Variants in ACTR3C observed in about 807,000 individuals in gnomAD.
ACTR3C encodes the protein actin related protein 3C, also known as actin-related protein 3C.
In ACTR3C, 18 loss-of-function variants were observed where a neutral mutation model predicts 26.3. The observed-to-expected ratio is 0.68, with a 90% confidence interval of 0.47 to 1.01. The LOEUF (loss-of-function observed/expected upper bound fraction) is 1.01, where lower values mean the gene tolerates loss of function less well. Among genes scored for constraint, ACTR3C ranks in the 50% least tolerant of loss-of-function variants. The pLI is 0.00. For synonymous variants in ACTR3C, 55 were observed against 94.5 expected, an observed-to-expected ratio of 0.58 and a Z score of 2.42; for missense variants, 184 against 250.7, an observed-to-expected ratio of 0.73 and a Z score of 1.80.
chr7:150,236,439 A>G, the ACTR3C span, among the ~76,000 whole-genome samples: 8,960 of 152,140 alleles, frequency 0.059, 487 homozygotes, highest in African/African-American at 0.14. Context: ...ACCCAATAAT[A>G]TCATGAACCA....
rs1563196699 is a variant in ACTR3C at position 150,299,489 on chromosome 7, A to ACAAC, written c.-51-4143_-51-4142insGTTG. On this transcript the variant is annotated intron_variant, in intron 1 of 7. Transcript: ENST00000683684. ...CAAAAAAAAAAAAAAAAAAAAAAAAAAAAAACAAAAAACAGGCTGGGTGGT... is the reference window on the plus strand; with the variant it reads ...CAAAAAAAAAAAAAAAAAAAAAAAAACAACAAAAACAAAAAACAGGCTGGGTGGT... Among the ~76,000 whole-genome samples, 4 of 144,426 alleles carry ACAAC rather than the reference A, an allele frequency of 2.8e-5. 1 individual carries two copies. Among genetic ancestry groups the ACAAC allele is most frequent in the African/African-American group, 1.1e-4 (4 of 36,488 alleles). 94.7% of individuals were successfully genotyped at this position (144,426 alleles called of 152,430 possible).
the ACTR3C span, among the ~76,000 whole-genome samples, chr7:150,223,211 T>C: frequency 6.6e-6 from 1 of 152,328 alleles, no homozygotes; most frequent in South Asian, 2.1e-4. Context: ...CTGAATGCAA[T>C]GTTTATGAGG....
At chr7:150,019,863 T>C in the ACTR3C span, among the ~76,000 whole-genome samples, 3 of 151,976 alleles carry the variant, frequency 2.0e-5, no homozygotes, top group Non-Finnish European at 4.4e-5. Context: ...TCCACAGAAC[T>C]ATAAATAAGG....
At chr7:150,131,081 G>A in the ACTR3C span, among the ~76,000 whole-genome samples, 1 of 152,154 alleles carries the variant, frequency 6.6e-6, no homozygotes, top group African/African-American at 2.4e-5. Context: ...TTTTTTCAAA[G>A]CTCACTAAAA....
the ACTR3C span, among the ~76,000 whole-genome samples, chr7:150,035,210 CCTCCCACCTCTGCCATGGGGGT>C: frequency 8.3e-6 from 1 of 120,354 alleles, no homozygotes; most frequent in African/African-American, 3.5e-5. Context: ...ACGGGGGGTG[CCTCCCACCTCTGCCATGGGGGT>C]CCTAAGAGCC....
At chr7:150,280,798 A>G (rs1835254867) in intron 6 of ACTR3C, among the ~76,000 whole-genome samples, 26 of 147,486 alleles carry the variant, frequency 1.8e-4, no homozygotes, top group African/African-American at 5.6e-4. Context: ...CCTGCTCTTG[A>G]TGTGTGTGTG....
chr7:150,252,148 A>G (rs957474774), intron 6 of ACTR3C, among the ~76,000 whole-genome samples: 6 of 147,182 alleles, frequency 4.1e-5, no homozygotes, highest in East Asian at 2.0e-4. Flanking sequence ...GTGTGTGTGC[A>G]TGTGTGTGTG....
the ACTR3C span, among the ~76,000 whole-genome samples, chr7:150,015,067 TG>T: frequency 1.3e-5 from 2 of 152,216 alleles, no homozygotes; most frequent in Non-Finnish European, 2.9e-5. Context: ...AAAGGACTTC[TG>T]CAGAGTTCTA....
chr7:150,319,795 TTC>T (rs1207510339), intron 1 of ACTR3C, among the ~76,000 whole-genome samples: 2 of 152,178 alleles, frequency 1.3e-5, no homozygotes, highest in African/African-American at 2.4e-5. Context: ...ACTTCCCACT[TTC>T]TGTCACCCCT....
the ACTR3C span, among the ~76,000 whole-genome samples, chr7:149,882,380 T>C: frequency 6.6e-6 from 1 of 152,060 alleles, no homozygotes; most frequent in Admixed American, 6.5e-5. Flanking sequence ...CTGGGTGGCA[T>C]CCTCTGGGCC....
chr7:150,258,577 C>T (rs1205353105), intron 6 of ACTR3C, among the ~76,000 whole-genome samples: 9 of 152,388 alleles, frequency 5.9e-5, no homozygotes, highest in Middle Eastern at 3.4e-3. Context: ...TTGGAACTGA[C>T]GTCCTTAGTA....
At chr7:150,178,847 G>A in the ACTR3C span, among the ~76,000 whole-genome samples, 3 of 150,814 alleles carry the variant, frequency 2.0e-5, no homozygotes, top group East Asian at 1.9e-4. Flanking sequence ...TGAGCTAATC[G>A]AATTCTTTTT....
At chr7:150,055,839 A>G in the ACTR3C span, among the ~76,000 whole-genome samples, 1 of 152,230 alleles carries the variant, frequency 6.6e-6, no homozygotes, top group South Asian at 2.1e-4. Context: ...TCATAAAAAA[A>G]TCTTCCGTGC....
the ACTR3C span, among the ~76,000 whole-genome samples, chr7:150,040,926 T>G: frequency 1.3e-5 from 2 of 150,066 alleles, no homozygotes; most frequent in Non-Finnish European, 2.9e-5. Context: ...CTTATTTGCT[T>G]CTTGTACTAG....
the ACTR3C span, among the ~76,000 whole-genome samples, chr7:149,900,182 T>G: frequency 1.3e-5 from 2 of 151,666 alleles, no homozygotes; most frequent in African/African-American, 4.8e-5. Context: ...TTTGTTTTTT[T>G]GGTTTGTTTT....
chr7:150,161,068 C>T, the ACTR3C span, among the ~76,000 whole-genome samples: 3 of 150,880 alleles, frequency 2.0e-5, no homozygotes, highest in African/African-American at 4.9e-5. Flanking sequence ...AGGGAGGGTT[C>T]ATTTCTCCCT....
chr7:150,042,575 G>A, the ACTR3C span, among the ~76,000 whole-genome samples: 35 of 145,370 alleles, frequency 2.4e-4, no homozygotes, highest in Non-Finnish European at 4.0e-4. Flanking sequence ...TCCCCGCCTC[G>A]CGGGGGGTGC....
the ACTR3C span, among the ~76,000 whole-genome samples, chr7:150,020,015 T>C: frequency 6.6e-6 from 1 of 152,168 alleles, no homozygotes; most frequent in African/African-American, 2.4e-5. Flanking sequence ...ATGGTGTCTA[T>C]GGAGTATTGT....
the ACTR3C span, among the ~76,000 whole-genome samples, chr7:150,139,298 A>G: frequency 6.6e-6 from 1 of 152,228 alleles, no homozygotes. Context: ...GAATCACACG[A>G]TCTGTGCCTC....
Sources: gnomAD v4.1 joint callset for allele counts (sites outside exome capture counted in the v4.1 genomes callset) on GRCh38, gnomAD v4.1.1 for gene constraint, MANE v1.5 for transcripts, NCBI Gene and HGNC (gene_info 2026-07-23, HGNC 2026-07-21) for gene names.